The following GOSR2 variants were observed in gnomAD, a reference collection of about 807,000 sequenced individuals.
GOSR2 encodes the protein 27 kDa Golgi SNARE protein.
Under a neutral mutation model 27.9 loss-of-function variants are expected in GOSR2, and 20 were observed. The ratio of observed to expected loss-of-function variants is 0.72; its 90% CI spans 0.50 to 1.04. The LOEUF (loss-of-function observed/expected upper bound fraction) is 1.04. Ranked by LOEUF, GOSR2 falls within the 50% of genes least tolerant of loss-of-function variation. The pLI, the probability that GOSR2 is intolerant of heterozygous loss-of-function variation, is 0.00. For missense variants in GOSR2, 261 were observed against 270.5 expected (o/e 0.97, Z 0.25); for synonymous variants, 91 against 98.8 (o/e 0.92, Z 0.47).
downstream of GOSR2, among the ~76,000 whole-genome samples, chr17:46,971,603 C>G (rs1318454114): frequency 2.0e-5 from 3 of 152,188 alleles, no homozygotes; most frequent in African/African-American, 7.2e-5. Context: ...CATGCACTTT[C>G]TCACTTAAAC....
intron 6 of GOSR2, chr17:46,955,530 T>C (rs1429022712): frequency 1.3e-5 from 2 of 152,054 alleles, no homozygotes; most frequent in African/African-American, 4.8e-5. Context: ...TCAACAAGAG[T>C]CAAATAAAGA....
At chr17:46,957,353 C>CT (rs1348794571) in intron 6 of GOSR2, among the ~76,000 whole-genome samples, 1 of 152,116 alleles carries the variant, frequency 6.6e-6, no homozygotes, top group East Asian at 1.9e-4. Context: ...TGGCTCACGC[C>CT]TGTATTCCCA....
chr17:46,942,860 A>G (rs996272185), downstream of GOSR2, among the ~76,000 whole-genome samples: 2 of 152,172 alleles, frequency 1.3e-5, no homozygotes, highest in African/African-American at 4.8e-5. Flanking sequence ...AGGAGTGTTC[A>G]GGGGTGCTGG....
chr17:46,939,097 G>A lies in GOSR2; in HGVS notation c.*337G>A, dbSNP rs1334740464. On this transcript the variant is annotated 3_prime_UTR_variant, in exon 6 of 6. Transcript: ENST00000640051. ...TGCCCTGGGAAGGTGTCCACAGTGA[G>A]CCCTGTGTGCAGGACTGTCCACACG... 1.7e-6 allele frequency: 2 copies of A among 1,210,896 alleles called. No individual in the cohort carries two copies. The highest frequency in any genetic ancestry group is 2.1e-6 in the Non-Finnish European group (2 of 956,512). 75.0% of individuals were successfully genotyped at this position (1,210,896 alleles called of 1,614,324 possible). A position where few individuals can be genotyped will look rare whatever the true frequency, so the allele number is the denominator to read the frequency against.
intron 6 of GOSR2, among the ~76,000 whole-genome samples, chr17:46,962,053 C>T (rs2091084599): frequency 6.6e-6 from 1 of 152,112 alleles, no homozygotes; most frequent in Non-Finnish European, 1.5e-5. Flanking sequence ...AAATAGGGGC[C>T]AGGCACAGTG....
intron 5 of GOSR2, chr17:46,935,647 T>G (rs556020459): frequency 2.0e-6 from 2 of 1,001,738 alleles, no homozygotes; most frequent in South Asian, 4.4e-5. Context: ...TGCCTGGTTG[T>G]TTGCAGTAGA....
At chr17:46,968,747 C>T (rs1175308165), downstream of GOSR2, 1 of 152,384 alleles carries the variant, frequency 6.6e-6, no homozygotes, top group East Asian at 1.9e-4. Context: ...AGGACACAAA[C>T]AGAAAGCAGG....
chr17:46,953,595 T>C (rs1252363383), intron 6 of GOSR2, among the ~76,000 whole-genome samples: 5 of 152,202 alleles, frequency 3.3e-5, no homozygotes, highest in Non-Finnish European at 7.3e-5. Context: ...ATGGTATTTC[T>C]AGTTCTAGAT....
At chr17:46,966,837 A>G in exon 7 of GOSR2, 1 of 422,080 alleles carries the variant, frequency 2.4e-6, no homozygotes. Context: ...AGTGCTTCAC[A>G]CCATTCCTGG....
At chr17:46,937,421 C>G (rs890660662) in intron 5 of GOSR2, 1 of 152,142 alleles carries the variant, frequency 6.6e-6, no homozygotes, top group Non-Finnish European at 1.5e-5. Context: ...ATAAAATATT[C>G]TAATTTTAAG....
intron 4 of GOSR2, 132 bp from the exon 5 acceptor site, chr17:46,934,897 A>T: frequency 1.2e-6 from 1 of 803,076 alleles, no homozygotes; most frequent in Non-Finnish European, 2.2e-6. Context: ...TTTCTTATCC[A>T]TTAGGGTCCG....
intron 6 of GOSR2, among the ~76,000 whole-genome samples, chr17:46,952,363 A>G (rs992622727): frequency 6.6e-6 from 1 of 152,232 alleles, no homozygotes; most frequent in African/African-American, 2.4e-5. Context: ...GCCGATCAGA[A>G]TCTTCCCTGG....
chr17:46,936,546 T>C, intron 5 of GOSR2: 1 of 985,626 alleles, frequency 1.0e-6, no homozygotes, highest in Non-Finnish European at 1.2e-6. Flanking sequence ...GTCGGGATTT[T>C]CCACCTACAC....
Position 46,941,742 on chromosome 17 carries a change from T to A in GOSR2, c.*2982T>A, listed in dbSNP as rs2089304743. 1 of 126,698 alleles carries A rather than the reference T, an allele frequency of 7.9e-6. No homozygotes were observed. Among genetic ancestry groups the A allele is most frequent in the African/African-American group, 3.7e-5 (1 of 26,698 alleles). The allele number at this position is 126,698 out of a possible 1,614,324, so 7.8% of individuals were successfully genotyped here. On this transcript the variant is annotated 3_prime_UTR_variant, in exon 6 of 6. Transcript: ENST00000640051. ...GTGTGTGCCACCATGTCTGGCTAAT[T>A]TTTTTTTTTTTTTTGTATTTTTTAG... is the stretch of plus-strand genomic sequence containing the variant.
chr17:46,956,239 C>G (rs983854482), intron 6 of GOSR2, among the ~76,000 whole-genome samples: 7 of 146,590 alleles, frequency 4.8e-5, no homozygotes, highest in Non-Finnish European at 9.0e-5. Flanking sequence ...GGGTAGAAAT[C>G]TCTACCCGCC....
intron 5 of GOSR2, chr17:46,936,940 C>A: frequency 1.3e-5 from 5 of 395,736 alleles, no homozygotes; most frequent in Non-Finnish European, 1.7e-5. Flanking sequence ...TTGTTTCTCT[C>A]AGTTGCTCAT....
intron 1 of GOSR2, among the ~76,000 whole-genome samples, chr17:46,924,814 TAAGA>T (rs2086246220): frequency 6.6e-6 from 1 of 152,204 alleles, no homozygotes; most frequent in African/African-American, 2.4e-5. Context: ...TTCATGTTAC[TAAGA>T]AAGGGCCTAT....
chr17:46,931,723 C>T (rs1433038434), intron 3 of GOSR2: 1 of 372,986 alleles, frequency 2.7e-6, no homozygotes, highest in Non-Finnish European at 4.9e-6. Flanking sequence ...CAAAGATGCC[C>T]TTGGGCTTCT....
In GOSR2 at chr17:46,938,817, G is replaced by A. The variant is rs761433402; in HGVS notation, c.*57G>A. 8 of 1,611,576 alleles carry A rather than the reference G, an allele frequency of 5.0e-6. No homozygotes were observed. Among genetic ancestry groups the A allele is most frequent in the Non-Finnish European group, 5.9e-6 (7 of 1,179,738 alleles). ...CCACAGCCTGCAAGTGTGTGTGTGTGTGAAAGAGAGAGGGGGGCCCAGAGG... is the reference window on the plus strand; with the variant it reads ...CCACAGCCTGCAAGTGTGTGTGTGTATGAAAGAGAGAGGGGGGCCCAGAGG... On this transcript the variant is annotated 3_prime_UTR_variant, in exon 6 of 6. Transcript: ENST00000640051.
Sources: allele counts gnomAD v4.1 joint callset (sites outside exome capture counted in the v4.1 genomes callset), GRCh38; gene constraint gnomAD v4.1.1; transcripts MANE v1.5; gene names NCBI Gene and HGNC (gene_info 2026-07-23, HGNC 2026-07-21).